The following GRM5 variants were observed in gnomAD, a reference collection of about 807,000 sequenced individuals.
GRM5 encodes the protein glutamate metabotropic receptor 5.
Under a neutral mutation model 83.1 loss-of-function variants are expected in GRM5, and 19 were observed. The ratio of observed to expected loss-of-function variants is 0.23; its 90% CI spans 0.16 to 0.34. GRM5 has a LOEUF of 0.34. Among genes scored for constraint, GRM5 ranks in the 10% least tolerant of loss-of-function variants. The pLI is 1.00. For missense variants in GRM5, 1,160 were observed against 1,588.3 expected (o/e 0.73, Z 4.58); for synonymous variants, 675 against 633.6 (o/e 1.07, Z -0.98).
At chr11:88,982,488 A>T (rs1287222476) in intron 2 of GRM5, among the ~76,000 whole-genome samples, 1 of 152,132 alleles carries the variant, frequency 6.6e-6, no homozygotes, top group African/African-American at 2.4e-5. Flanking sequence ...TAATTCTTTT[A>T]ATTTGTAATA....
chr11:88,909,281 A>G (rs1372886954), intron 2 of GRM5, among the ~76,000 whole-genome samples: 2 of 152,052 alleles, frequency 1.3e-5, no homozygotes, highest in Non-Finnish European at 2.9e-5. Context: ...AACTTATCGT[A>G]CATGTAGTAT....
chr11:88,889,463 A>T (rs1384441068), intron 2 of GRM5, among the ~76,000 whole-genome samples: 1 of 152,072 alleles, frequency 6.6e-6, no homozygotes, highest in Non-Finnish European at 1.5e-5. Context: ...CACCTTGTAC[A>T]CTCACTGTTA....
intron 3 of GRM5, among the ~76,000 whole-genome samples, chr11:88,765,395 G>GAAAAAAAAAAAAAAAAAAAAAA (rs58232495): frequency 8.1e-6 from 1 of 123,422 alleles, no homozygotes; most frequent in Non-Finnish European, 1.7e-5. Context: ...AAGACAATTT[G>GAAAAAAAAAAAAAAAAAAAAAA]AAAAAAAAAA....
At chr11:88,559,730 C>T (rs1025427923) in intron 8 of GRM5, among the ~76,000 whole-genome samples, 5 of 152,068 alleles carry the variant, frequency 3.3e-5, no homozygotes, top group East Asian at 1.9e-4. Context: ...GCACTGTGCA[C>T]GGTGCAAATG....
At chr11:88,590,874 A>T in intron 6 of GRM5, 147 bp from the exon 7 acceptor site, 2 of 502,424 alleles carry the variant, frequency 4.0e-6, no homozygotes, top group Non-Finnish European at 6.9e-6. Flanking sequence ...AATTTTTAAT[A>T]TTAATTTATA....
At chr11:88,649,833 G>T (rs1418042155) in intron 4 of GRM5, among the ~76,000 whole-genome samples, 1 of 151,770 alleles carries the variant, frequency 6.6e-6, no homozygotes, top group Non-Finnish European at 1.5e-5. Context: ...CGGGCTGAAA[G>T]AATTATAGAT....
At chr11:89,000,139 A>C (rs1441395377) in intron 2 of GRM5, among the ~76,000 whole-genome samples, 1 of 152,090 alleles carries the variant, frequency 6.6e-6, no homozygotes, top group African/African-American at 2.4e-5. Flanking sequence ...CCTAATGCTA[A>C]ATGAGGAGTT....
At chr11:89,042,346 T>G (rs1941554472) in intron 2 of GRM5, among the ~76,000 whole-genome samples, 1 of 152,198 alleles carries the variant, frequency 6.6e-6, no homozygotes, top group South Asian at 2.1e-4. Context: ...TCCAGCAATG[T>G]TTTGGAAACC....
At chr11:88,574,009 C>T (rs72953097) in intron 7 of GRM5, among the ~76,000 whole-genome samples, 6,761 of 152,198 alleles carry the variant, frequency 0.044, 156 homozygotes, top group Middle Eastern at 0.075. Flanking sequence ...TGCTGTGAGA[C>T]ATTGAGGAAA....
rs550599458 is a variant in GRM5, at chr11:88,564,402, T to C, written c.2630+2651A>G. ...TTTGTTGCTTTTGTTTGTCCCTTTG[T>C]TTATTAAATTAGAAACAAAACAGTT... On this transcript the variant is annotated intron_variant, in intron 8 of 9. Transcript: ENST00000305447. Among the ~76,000 whole-genome samples the C allele has an allele frequency of 6.6e-5, 10 of 152,374 alleles. No homozygotes were observed. In the East Asian group the frequency reaches 7.7e-4, roughly 12 times the overall value.
chr11:89,013,678 T>C (rs1168992202), intron 2 of GRM5, among the ~76,000 whole-genome samples: 1 of 152,220 alleles, frequency 6.6e-6, no homozygotes. Flanking sequence ...GCTATTTATC[T>C]TCTCATGTCA....
chr11:88,800,754 A>G (rs1356835744), intron 3 of GRM5, among the ~76,000 whole-genome samples: 1 of 152,104 alleles, frequency 6.6e-6, no homozygotes, highest in African/African-American at 2.4e-5. Context: ...GACACCTTCA[A>G]TTGCCCTGAG....
intron 3 of GRM5, 117 bp from the exon 4 acceptor site, chr11:88,653,520 G>T: frequency 1.6e-6 from 1 of 640,132 alleles, no homozygotes; most frequent in Non-Finnish European, 2.7e-6. Context: ...CCCCATGATG[G>T]TCCTATATTA....
intron 3 of GRM5, among the ~76,000 whole-genome samples, chr11:88,752,497 T>A (rs943359947): frequency 1.3e-5 from 2 of 152,108 alleles, no homozygotes; most frequent in Non-Finnish European, 2.9e-5. Flanking sequence ...TGGATAGGAA[T>A]AATCAATATT....
rs58163958 is a variant in GRM5, at chr11:88,984,647, A to T, written c.661+62565T>A. The T allele has an allele frequency of 5.4e-4, 241 of 448,552 alleles. 3 individuals carry two copies. The highest frequency in any genetic ancestry group is 4.5e-3 in the African/African-American group (222 of 49,510). The allele number at this position is 448,552 out of a possible 1,614,324, so 27.8% of individuals were successfully genotyped here. ...AAAGATTATAAAATTAGAATAAATG[A>T]TATTCACTTTAAACTTGTAAGACCT... On this transcript the variant is annotated intron_variant, in intron 2 of 9. Transcript: ENST00000305447.
At chr11:88,600,323 A>G (rs895699075) in intron 5 of GRM5, among the ~76,000 whole-genome samples, 1 of 37,996 alleles carries the variant, frequency 2.6e-5, no homozygotes, top group African/African-American at 9.7e-5. Context: ...CCCTTCCCTC[A>G]CCCTCCCCTG....
chr11:88,572,088 G>A (rs1943015351), intron 7 of GRM5, among the ~76,000 whole-genome samples: 1 of 152,304 alleles, frequency 6.6e-6, no homozygotes, highest in African/African-American at 2.4e-5. Context: ...CACATTTCAT[G>A]GGAATGATAT....
chr11:88,826,760 C>G (rs11021475), intron 3 of GRM5, among the ~76,000 whole-genome samples: 74,028 of 151,982 alleles, frequency 0.49, 21,217 homozygotes, highest in East Asian at 0.76. Context: ...CAAATTCTAA[C>G]CTGAAAAAAA....
intron 3 of GRM5, among the ~76,000 whole-genome samples, chr11:88,783,757 T>G (rs926118894): frequency 2.6e-5 from 4 of 152,068 alleles, no homozygotes; most frequent in Non-Finnish European, 5.9e-5. Flanking sequence ...GTGTCTTACT[T>G]TTTTGTATGC....
Sources: gnomAD v4.1 joint callset for allele counts (sites outside exome capture counted in the v4.1 genomes callset) on GRCh38, gnomAD v4.1.1 for gene constraint, MANE v1.5 for transcripts, NCBI Gene and HGNC (gene_info 2026-07-23, HGNC 2026-07-21) for gene names.